Variants in C8B observed in about 807,000 individuals in gnomAD.
The protein encoded by C8B is complement C8 beta chain, also known as complement component C8 beta chain.
Under a neutral mutation model 64.6 loss-of-function variants are expected in C8B, and 67 were observed. The ratio of observed to expected loss-of-function variants is 1.04; its 90% CI spans 0.85 to 1.27. The LOEUF is 1.27. C8B is among the 50% of genes most tolerant of loss of function. The pLI, the probability that C8B is intolerant of heterozygous loss-of-function variation, is 0.00. For synonymous variants in C8B, 284 were observed against 257.7 expected (o/e 1.10, Z -0.98); for missense variants, 790 against 725.2 (o/e 1.09, Z -1.03).
intron 8 of C8B, among the ~76,000 whole-genome samples, chr1:56,941,967 G>T (rs1294924451): frequency 1.3e-5 from 2 of 152,188 alleles, no homozygotes; most frequent in East Asian, 1.9e-4. Context: ...TACAGTATGA[G>T]ATTTCTTTTT....
intron 10 of C8B, 80 bp downstream of exon 10, chr1:56,933,255 A>G (rs1644727819): frequency 1.7e-6 from 2 of 1,194,196 alleles, no homozygotes; most frequent in East Asian, 4.7e-5. Context: ...CTCAGTAAAC[A>G]GAAGCAGGCA....
Position 56,932,768 on chromosome 1 carries a change from G to A in C8B, c.1552+567C>T, listed in dbSNP as rs1233013018. On this transcript the variant is annotated intron_variant, in intron 10 of 11. Transcript: ENST00000371237. ...CCGTTGAGCTAACTTCATCCACGTGGGCTCTGCCTTGACTCCTGCTGGTTC... is the reference window on the plus strand; with the variant it reads ...CCGTTGAGCTAACTTCATCCACGTGAGCTCTGCCTTGACTCCTGCTGGTTC... Among the ~76,000 whole-genome samples the A allele has an allele frequency of 2.0e-5, 3 of 152,156 alleles. No individual in the cohort carries two copies. In the East Asian group the frequency reaches 5.8e-4, roughly 29 times the overall value.
intron 1 of C8B, among the ~76,000 whole-genome samples, chr1:56,962,739 C>A (rs1645195756): frequency 6.6e-6 from 1 of 152,154 alleles, no homozygotes; most frequent in Non-Finnish European, 1.5e-5. Context: ...CGATTTTGCT[C>A]CCCCCACCTT....
At chr1:56,958,372 T>A (rs1645130961) in intron 2 of C8B, among the ~76,000 whole-genome samples, 1 of 152,152 alleles carries the variant, frequency 6.6e-6, no homozygotes, top group Non-Finnish European at 1.5e-5. Flanking sequence ...TACTTTGGCC[T>A]TGGAAATCCA....
chr1:56,957,100 C>T (rs895806242), intron 2 of C8B, among the ~76,000 whole-genome samples, 190 bp from the exon 3 acceptor site: 3 of 152,106 alleles, frequency 2.0e-5, no homozygotes, highest in Non-Finnish European at 4.4e-5. Flanking sequence ...TTGTGATTTG[C>T]TGTTTGCTGG....
At position 56,959,383 on chromosome 1, in the gene C8B, G is replaced by A. The variant is rs182893202; in HGVS notation, c.249+637C>T. The A allele has an allele frequency of 8.3e-4, 523 of 629,506 alleles. 4 individuals are homozygous for A. Among genetic ancestry groups the A allele is most frequent in the Middle Eastern group, 1.6e-3 (6 of 3,680 alleles). 39.0% of individuals were successfully genotyped at this position (629,506 alleles called of 1,614,324 possible). A position where few individuals can be genotyped will look rare whatever the true frequency, so the allele number is the denominator to read the frequency against. On this transcript the variant is annotated intron_variant, in intron 2 of 11. Transcript: ENST00000371237. ...GATACAAGGGTAATAAGGAGCTATC[G>A]AAGCTCATAAAAGATTGCTTTATCC...
At chr1:56,933,870 G>A (rs1372007886) in intron 9 of C8B, among the ~76,000 whole-genome samples, 3 of 152,172 alleles carry the variant, frequency 2.0e-5, no homozygotes, top group African/African-American at 7.2e-5. Flanking sequence ...AGAGCAGAAA[G>A]GAGTGGATGC....
chr1:56,930,012 T>G (rs642120), intron 11 of C8B, among the ~76,000 whole-genome samples: 48,277 of 151,918 alleles, frequency 0.32, 8,172 homozygotes, highest in East Asian at 0.51. Flanking sequence ...GCAAAATCTC[T>G]ATTGTGACTG....
intron 6 of C8B, among the ~76,000 whole-genome samples, chr1:56,947,946 CAAAACA>C: frequency 1.1e-5 from 1 of 87,420 alleles, no homozygotes; most frequent in South Asian, 4.5e-4. Flanking sequence ...CAAAACAAAA[CAAAACA>C]AAACAAACAA....
chr1:56,959,433 G>A (rs927015641), intron 2 of C8B: 179 of 754,876 alleles, frequency 2.4e-4, no homozygotes, highest in Non-Finnish European at 2.9e-4. Context: ...CTGAGGAGGA[G>A]TCAAAAAGCT....
At chr1:56,943,846 G>A (rs1323244698) in intron 7 of C8B, 22 bp from the exon 8 acceptor site, 1 of 1,613,316 alleles carries the variant, frequency 6.2e-7, no homozygotes, top group Admixed American at 1.7e-5. Context: ...AAGGAAAAAG[G>A]TCCATGACGT....
chr1:56,945,707 A>T, intron 7 of C8B, 114 bp downstream of exon 7: 1 of 1,294,864 alleles, frequency 7.7e-7, no homozygotes, highest in Non-Finnish European at 1.1e-6. Context: ...AGGAAGAGGA[A>T]TCTGCAAATG....
intron 1 of C8B, among the ~76,000 whole-genome samples, chr1:56,962,837 T>C (rs1342605996): frequency 6.6e-6 from 1 of 152,242 alleles, no homozygotes; most frequent in Non-Finnish European, 1.5e-5. Context: ...ATCTATAGTA[T>C]TGCTTGTGTG....
intron 10 of C8B, among the ~76,000 whole-genome samples, 182 bp from the exon 11 acceptor site, chr1:56,932,060 C>T (rs78678594): frequency 0.015 from 2,296 of 152,228 alleles, 40 homozygotes; most frequent in South Asian, 0.044. Context: ...GCCTTTGCCA[C>T]GAAGGGGTGT....
Position 56,965,893 on chromosome 1 carries a change from C to A in C8B, c.56G>T (p.Cys19Phe). 2 of 1,613,976 alleles carry A rather than the reference C, an allele frequency of 1.2e-6. No individual in the cohort carries two copies. Among genetic ancestry groups the A allele is most frequent in the Non-Finnish European group, 8.5e-7 (1 of 1,179,998 alleles). ...CAAACTGAGACAGCCCAGGGCAGCA[C>A]AGAGAAGAAATAGCTCCACCGGCGC... ...WRAPVELFLL[C>F]AALGCLSLPG... The change falls in exon 1 of 12, where the codon TGT becomes TTT. Residue 19 changes from cysteine (C) to phenylalanine (F), a missense_variant. By Grantham distance (205) the Cys-to-Phe change is radical. Transcript: ENST00000371237.
In C8B at chr1:56,945,852, G is replaced by A. The variant is rs149848224; in HGVS notation, c.1074C>T (p.Leu358=). The A allele has an allele frequency of 1.7e-3, 2,782 of 1,614,066 alleles. 35 individuals carry two copies. In the Middle Eastern group the frequency reaches 0.018, roughly 10 times the overall value. ...TCTCCATGGCCTCTTTGTTCATAACGAGGGTGTATTCATAAATGCCCCCAA... is the reference window on the plus strand; with the variant it reads ...TCTCCATGGCCTCTTTGTTCATAACAAGGGTGTATTCATAAATGCCCCCAA... ...AVLGGIYEYT[L]VMNKEAMERG... The change falls in exon 7 of 12, where the codon CTC becomes CTT. Residue 358 remains leucine (L), a synonymous_variant. Transcript: ENST00000371237.
chr1:56,949,397 A>G (rs537173961), intron 6 of C8B, among the ~76,000 whole-genome samples, 158 bp downstream of exon 6: 1 of 152,150 alleles, frequency 6.6e-6, no homozygotes, highest in Non-Finnish European at 1.5e-5. Context: ...GGCCCTCACT[A>G]TATGTGGCAC....
At chr1:56,950,814 C>T (rs539306914) in intron 5 of C8B, among the ~76,000 whole-genome samples, 1 of 152,296 alleles carries the variant, frequency 6.6e-6, no homozygotes, top group East Asian at 1.9e-4. Context: ...AGTCATAGCA[C>T]GGCACCTGGC....
Position 56,940,995 on chromosome 1 carries a change from T to C in C8B, c.1252A>G (p.Thr418Ala). The stretch of plus-strand genomic sequence containing the variant: ...AGGACCACCAAGTCCTCCACCATGG[T>C]GTCCCTCTTGTTTCTGTCTGGAATG... ...NEIKDRNKRD[T>A]MVEDLVVLVR... The change falls in exon 9 of 12, where the codon ACC becomes GCC. Residue 418 changes from threonine (T) to alanine (A), a missense_variant. Coordinates refer to ENST00000371237, the MANE Select transcript of C8B (RefSeq NM_000066.4). 1 of 1,614,084 alleles carries C rather than the reference T, an allele frequency of 6.2e-7. No homozygotes were observed. Among genetic ancestry groups the C allele is most frequent in the Non-Finnish European group, 8.5e-7 (1 of 1,180,008 alleles).
Sources: allele counts gnomAD v4.1 joint callset (sites outside exome capture counted in the v4.1 genomes callset), GRCh38; gene constraint gnomAD v4.1.1; transcripts MANE v1.5; gene names NCBI Gene and HGNC (gene_info 2026-07-23, HGNC 2026-07-21).